The following CERS5 variants were observed in gnomAD, a reference collection of about 807,000 sequenced individuals.
CERS5 encodes ceramide synthase 5, also known as LAG1 homolog, ceramide synthase 5.
Under a neutral mutation model 58.9 loss-of-function variants are expected in CERS5, and 37 were observed. That is an observed-to-expected ratio of 0.63 (90% CI 0.48 to 0.83). The LOEUF (loss-of-function observed/expected upper bound fraction) is 0.83. Among genes scored for constraint, CERS5 ranks in the 40% least tolerant of loss-of-function variants. CERS5 has a pLI of 0.00. For synonymous variants in CERS5, 147 were observed against 177.8 expected, an observed-to-expected ratio of 0.83 and a Z score of 1.38; for missense variants, 398 against 489.3, an observed-to-expected ratio of 0.81 and a Z score of 1.76.
chr12:50,151,444 T>G (rs1327894373), intron 1 of CERS5, among the ~76,000 whole-genome samples: 2 of 152,162 alleles, frequency 1.3e-5, no homozygotes, highest in Non-Finnish European at 2.9e-5. Flanking sequence ...TTACTGCCAC[T>G]CTTCCTAGTC....
chr12:50,134,459 G>T, intron 9 of CERS5, 87 bp downstream of exon 9: 1 of 1,610,680 alleles, frequency 6.2e-7, no homozygotes, highest in South Asian at 1.1e-5. Context: ...AGTAGATGGG[G>T]CTCACCAGGT....
At chr12:50,145,937 AATGAGGCCGTC>A (rs1184932464) in intron 1 of CERS5, among the ~76,000 whole-genome samples, 1 of 152,194 alleles carries the variant, frequency 6.6e-6, no homozygotes, top group Admixed American at 6.5e-5. Context: ...CAGAAGAGTA[AATGAGGCCGTC>A]ATTCTTTGTT....
chr12:50,137,359 T>C (rs1258250626), intron 6 of CERS5, among the ~76,000 whole-genome samples: 3 of 152,174 alleles, frequency 2.0e-5, no homozygotes, highest in African/African-American at 7.2e-5. Flanking sequence ...GGGTCCCTAA[T>C]GCCATGTGAA....
chr12:50,140,839 A>AT (rs200589306), intron 4 of CERS5, among the ~76,000 whole-genome samples: 36,946 of 134,786 alleles, frequency 0.27, 5,054 homozygotes, highest in East Asian at 0.34. Context: ...ACCCTTAGTG[A>AT]TTTTTTTTTT....
At chr12:50,164,752 G>C (rs1424053477) in intron 1 of CERS5, among the ~76,000 whole-genome samples, 1 of 152,122 alleles carries the variant, frequency 6.6e-6, no homozygotes, top group Non-Finnish European at 1.5e-5. Context: ...CAGCAGCTCT[G>C]CCAGGGGATA....
intron 3 of CERS5, 35 bp downstream of exon 3, chr12:50,143,039 T>C (rs1952059195): frequency 6.4e-7 from 1 of 1,564,344 alleles, no homozygotes; most frequent in Non-Finnish European, 8.7e-7. Context: ...TCCCACCGTC[T>C]TCCTTATTCC....
intron 1 of CERS5, among the ~76,000 whole-genome samples, chr12:50,156,974 G>C (rs990816905): frequency 1.1e-4 from 17 of 152,222 alleles, no homozygotes; most frequent in African/African-American, 4.1e-4. Context: ...ATGTCTGTGA[G>C]GGTGTTGCCA....
chr12:50,138,397 G>T (rs946634230), intron 5 of CERS5, among the ~76,000 whole-genome samples, 170 bp downstream of exon 5: 1 of 131,488 alleles, frequency 7.6e-6, no homozygotes, highest in Non-Finnish European at 1.6e-5. Context: ...ACTCTTAGCA[G>T]TGGGGGGGAA....
intron 1 of CERS5, among the ~76,000 whole-genome samples, chr12:50,155,065 C>T (rs1253274902): frequency 4.6e-5 from 7 of 152,008 alleles, no homozygotes; most frequent in Admixed American, 4.6e-4. Flanking sequence ...ACCGTGTTGG[C>T]CAGGCTGGTC....
At chr12:50,134,836 C>A in intron 8 of CERS5, 134 bp from the exon 9 acceptor site, 2 of 724,970 alleles carry the variant, frequency 2.8e-6, no homozygotes, top group South Asian at 3.8e-5. Flanking sequence ...CAGGGACCGT[C>A]ATCCACAGTA....
chr12:50,162,068 G>T (rs1254131039), intron 1 of CERS5, among the ~76,000 whole-genome samples: 1 of 151,026 alleles, frequency 6.6e-6, no homozygotes, highest in Non-Finnish European at 1.5e-5. Flanking sequence ...TAAAGACAGG[G>T]TTTCACCATG....
chr12:50,162,487 A>C (rs1939414522), intron 1 of CERS5, among the ~76,000 whole-genome samples: 1 of 152,174 alleles, frequency 6.6e-6, no homozygotes, highest in Non-Finnish European at 1.5e-5. Flanking sequence ...CATTTCTACA[A>C]ACTAAATAGG....
At chr12:50,158,480 T>C (rs78356000) in intron 1 of CERS5, among the ~76,000 whole-genome samples, 2 of 152,192 alleles carry the variant, frequency 1.3e-5, no homozygotes, top group African/African-American at 4.8e-5. Context: ...AAGCTTTCAA[T>C]AAATAGATGT....
intron 1 of CERS5, among the ~76,000 whole-genome samples, chr12:50,156,930 T>G (rs1026920552): frequency 6.6e-6 from 1 of 152,156 alleles, no homozygotes; most frequent in Non-Finnish European, 1.5e-5. Context: ...ATCAACTTAA[T>G]TGGATTGAAG....
At chr12:50,155,736 CAAA>C (rs146913126) in intron 1 of CERS5, among the ~76,000 whole-genome samples, 20 of 21,476 alleles carry the variant, frequency 9.3e-4, no homozygotes, top group Admixed American at 3.6e-3. Flanking sequence ...GACTCCATCT[CAAA>C]AAAAAAAAAA....
chr12:50,155,003 G>A (rs761125483), intron 1 of CERS5, among the ~76,000 whole-genome samples: 2 of 152,010 alleles, frequency 1.3e-5, no homozygotes, highest in African/African-American at 2.4e-5. Context: ...GACTATAGGC[G>A]TGCACCACCA....
At chr12:50,130,802 A>G (rs1951275843) in intron 9 of CERS5, 108 bp from the exon 10 acceptor site, 10 of 948,180 alleles carry the variant, frequency 1.1e-5, no homozygotes, top group Non-Finnish European at 1.5e-5. Flanking sequence ...CTGCTTTCTG[A>G]TGACATCTAA....
At chr12:50,144,675 AAGC>A in intron 1 of CERS5, 1 of 648,480 alleles carries the variant, frequency 1.5e-6, no homozygotes, top group Non-Finnish European at 2.5e-6. Context: ...AGAAATCAGG[AAGC>A]TAGGAAAGGT....
chr12:50,149,932 G>A (rs577315321), intron 1 of CERS5, among the ~76,000 whole-genome samples: 4 of 151,988 alleles, frequency 2.6e-5, no homozygotes, highest in East Asian at 1.9e-4. Context: ...TAGTAGAGAC[G>A]GGGTTTCACC....
Sources: allele counts gnomAD v4.1 joint callset (sites outside exome capture counted in the v4.1 genomes callset), GRCh38; gene constraint gnomAD v4.1.1; transcripts MANE v1.5; gene names NCBI Gene and HGNC (gene_info 2026-07-23, HGNC 2026-07-21).